The following TENM1 variants were observed in gnomAD, a reference collection of about 807,000 sequenced individuals.
TENM1 encodes the protein teneurin-1.
Under a neutral mutation model 174.8 loss-of-function variants are expected in TENM1, and 35 were observed. That is an observed-to-expected ratio of 0.20 (90% CI 0.15 to 0.27). The LOEUF is 0.27. Ranked by LOEUF, TENM1 falls within the 10% of genes least tolerant of loss-of-function variation. The probability of loss-of-function intolerance (pLI) is 1.00; values close to 1 mark genes in which losing one functional copy is unlikely to be tolerated. For missense variants in TENM1, 1,633 were observed against 2,130.1 expected (o/e 0.77, Z 4.59); for synonymous variants, 781 against 798.7 (o/e 0.98, Z 0.37).
intron 3 of TENM1, among the ~76,000 whole-genome samples, chrX:124,741,949 G>GA (rs1276063313): frequency 8.0e-5 from 9 of 112,100 alleles, no homozygotes; most frequent in Admixed American, 1.9e-4. Context: ...AATGGCAAAG[G>GA]AAAAAATTAA....
chrX:125,005,258 G>A, the TENM1 span, among the ~76,000 whole-genome samples: 3 of 106,338 alleles, frequency 2.8e-5, no homozygotes, highest in African/African-American at 1.0e-4. Context: ...ATCAGTTTGG[G>A]AAATCATGGA....
the TENM1 span, among the ~76,000 whole-genome samples, chrX:125,125,916 T>C: frequency 1.8e-5 from 2 of 112,314 alleles, no homozygotes; most frequent in African/African-American, 6.5e-5. Flanking sequence ...AAAGATGTCA[T>C]TCAAATACTA....
the TENM1 span, among the ~76,000 whole-genome samples, chrX:125,101,065 C>G: frequency 9.0e-6 from 1 of 111,468 alleles, no homozygotes; most frequent in Admixed American, 9.6e-5. Flanking sequence ...GGTAATGGTA[C>G]CTAATTTAGA....
chrX:125,017,943 AC>A, the TENM1 span, among the ~76,000 whole-genome samples: 2 of 111,298 alleles, frequency 1.8e-5, no homozygotes, highest in Non-Finnish European at 3.8e-5. Context: ...GGTGCAGCAA[AC>A]CACTGTGGCA....
intron 1 of TENM1, among the ~76,000 whole-genome samples, chrX:124,924,785 C>T (rs756964374): frequency 9.0e-6 from 1 of 111,481 alleles, no homozygotes; most frequent in Admixed American, 9.6e-5. Context: ...GCAGGCTATA[C>T]AGGAAGACAT....
chrX:125,099,445 T>C, the TENM1 span, among the ~76,000 whole-genome samples: 15 of 112,400 alleles, frequency 1.3e-4, no homozygotes, highest in African/African-American at 4.8e-4. Context: ...AGTAAAGAGA[T>C]GGATGCACAC....
At chrX:124,955,299 C>T (rs757876221) in intron 1 of TENM1, among the ~76,000 whole-genome samples, 1 of 111,418 alleles carries the variant, frequency 9.0e-6, no homozygotes, top group South Asian at 3.8e-4. Flanking sequence ...TTTAATTGGT[C>T]TGGGGAACAG....
intron 6 of TENM1, among the ~76,000 whole-genome samples, chrX:124,657,410 C>T (rs1000782900): frequency 2.0e-4 from 22 of 110,534 alleles, no homozygotes; most frequent in African/African-American, 6.3e-4. Context: ...GTGATGGTAA[C>T]TCAGTTCCAA....
intron 27 of TENM1, among the ~76,000 whole-genome samples, chrX:124,393,821 C>A (rs2060306906): frequency 9.0e-6 from 1 of 111,372 alleles, no homozygotes. Context: ...TAGCAGTGAA[C>A]TGCAGTCAGG....
rs189106583 is a variant in TENM1, at chrX:124,416,020, C to T, written c.4982+4291G>A. Among the ~76,000 whole-genome samples, 7 of 111,715 alleles carry T rather than the reference C, an allele frequency of 6.3e-5. No individual in the cohort carries two copies. The East Asian group carries it at 1.4e-3, about 22-fold the overall frequency. On this transcript the variant is annotated intron_variant, in intron 25 of 31. Coordinates refer to ENST00000422452, the Ensembl canonical transcript of TENM1. ...CCAGCTCTAATTTCTCTGCTCTTTA[C>T]AGCAAAACTCCTCAAAAGAGTTCTT...
In TENM1 at chrX:124,530,056, T is replaced by G. The variant is rs768590741; in HGVS notation, c.2652-73A>C. Reference sequence around the variant, plus strand: ...TTCTAGAAGTCAAGTTGTAGAAACTTTGGAAAACAGTCAAGTATAACAAAG... The same window carrying G: ...TTCTAGAAGTCAAGTTGTAGAAACTGTGGAAAACAGTCAAGTATAACAAAG... On this transcript the variant is annotated intron_variant, in intron 15 of 31. Transcript: ENST00000422452. 6.4e-6 allele frequency: 7 copies of G among 1,096,436 alleles called. No homozygotes were observed. In the South Asian group the frequency reaches 1.5e-4, roughly 24 times the overall value. 90.4% of individuals were successfully genotyped at this position (1,096,436 alleles called of 1,213,427 possible). A position where few individuals can be genotyped will look rare whatever the true frequency, so the allele number is the denominator to read the frequency against.
At position 124,679,350 on chromosome X, in the gene TENM1, T is replaced by G. The variant is rs775708695; in HGVS notation, c.1016-7515A>C. ...CCAAGGCTTGTCAAAACTACAGATC[T>G]GCTTGTATGTTGGACAGTTCCCTTC... is the stretch of plus-strand genomic sequence containing the variant. On this transcript the variant is annotated intron_variant, in intron 5 of 31. Coordinates refer to ENST00000422452, the Ensembl canonical transcript of TENM1. 2.7e-5 allele frequency among the ~76,000 whole-genome samples: 3 copies of G among 111,993 alleles called. No homozygotes were observed. In the East Asian group the frequency reaches 8.4e-4, roughly 32 times the overall value.
At chrX:124,403,837 C>G (rs2147667968) in intron 27 of TENM1, among the ~76,000 whole-genome samples, 1 of 111,847 alleles carries the variant, frequency 8.9e-6, no homozygotes, top group East Asian at 2.8e-4. Context: ...TTCGGATCAC[C>G]TGCTCTACCC....
intron 22 of TENM1, among the ~76,000 whole-genome samples, chrX:124,453,722 T>C (rs1160198199): frequency 9.0e-6 from 1 of 111,731 alleles, no homozygotes; most frequent in African/African-American, 3.3e-5. Context: ...AAGCCAGGTC[T>C]AATAATTTTG....
chrX:124,789,199 G>A (rs1053184440), intron 3 of TENM1, among the ~76,000 whole-genome samples: 1 of 110,903 alleles, frequency 9.0e-6, no homozygotes, highest in African/African-American at 3.3e-5. Flanking sequence ...GCAGTGGCTG[G>A]GATGCAGGGC....
intron 1 of TENM1, among the ~76,000 whole-genome samples, chrX:124,963,060 T>A (rs1342115231): frequency 9.0e-6 from 1 of 111,685 alleles, no homozygotes; most frequent in Non-Finnish European, 1.9e-5. Context: ...TTCTAAAAAA[T>A]TCTTACTTTC....
At chrX:124,966,540 T>C (rs2058728429), upstream of TENM1, among the ~76,000 whole-genome samples, 1 of 107,555 alleles carries the variant, frequency 9.3e-6, no homozygotes, top group African/African-American at 3.5e-5. Context: ...CGGGCGCCTG[T>C]AGTCCCAGCT....
chrX:124,446,874 A>C (rs2060971004), intron 23 of TENM1, among the ~76,000 whole-genome samples: 1 of 112,170 alleles, frequency 8.9e-6, no homozygotes, highest in Admixed American at 9.4e-5. Flanking sequence ...CTCCACAAAA[A>C]ATTTTTAAAA....
intron 3 of TENM1, among the ~76,000 whole-genome samples, chrX:124,753,884 A>G (rs1478865238): frequency 4.5e-5 from 5 of 111,492 alleles, no homozygotes; most frequent in Non-Finnish European, 9.4e-5. Context: ...TGCTGGATTC[A>G]ATTTGCCAGT....
Sources: allele counts gnomAD v4.1 joint callset (sites outside exome capture counted in the v4.1 genomes callset), GRCh38; gene constraint gnomAD v4.1.1; transcripts MANE v1.5; gene names NCBI Gene and HGNC (gene_info 2026-07-23, HGNC 2026-07-21).